Variants in TBC1D5 observed in about 807,000 individuals in gnomAD.
TBC1D5 encodes the protein TBC1 domain family member 5.
In TBC1D5, 75 loss-of-function variants were observed where a neutral mutation model predicts 100.3. The observed-to-expected ratio is 0.75, with a 90% confidence interval of 0.62 to 0.91. The LOEUF (loss-of-function observed/expected upper bound fraction) is 0.91, where lower values mean the gene tolerates loss of function less well. Ranked by LOEUF, TBC1D5 falls within the 40% of genes least tolerant of loss-of-function variation. The pLI is 0.00. For missense variants in TBC1D5, 910 were observed against 942.4 expected, an observed-to-expected ratio of 0.97 and a Z score of 0.45; for synonymous variants, 323 against 325.6, an observed-to-expected ratio of 0.99 and a Z score of 0.09.
At chr3:17,334,379 T>C (rs2087353230) in intron 13 of TBC1D5, among the ~76,000 whole-genome samples, 1 of 152,186 alleles carries the variant, frequency 6.6e-6, no homozygotes, top group African/African-American at 2.4e-5. Context: ...CTAAGGTAAC[T>C]ACATTAAATG....
exon 1 of TBC1D5, chr3:17,740,524 A>G (rs1412912445): frequency 2.0e-5 from 3 of 152,210 alleles, no homozygotes; most frequent in Non-Finnish European, 4.4e-5. Context: ...ATAAATAAAA[A>G]GAAAAAAATT....
At chr3:17,556,842 T>C (rs1358775235) in intron 2 of TBC1D5, among the ~76,000 whole-genome samples, 1 of 152,184 alleles carries the variant, frequency 6.6e-6, no homozygotes, top group African/African-American at 2.4e-5. Flanking sequence ...AAGTGAACTA[T>C]ACTCACTGAC....
chr3:17,647,906 A>G (rs1280982503), intron 1 of TBC1D5, among the ~76,000 whole-genome samples: 2 of 152,130 alleles, frequency 1.3e-5, no homozygotes. Context: ...GTGTCTTGAA[A>G]TGGAGTAGAA....
chr3:17,648,229 TAAA>T lies in TBC1D5; in HGVS notation c.-100-24319_-100-24317del, dbSNP rs748589915. 7.7e-3 allele frequency among the ~76,000 whole-genome samples: 1,173 copies of T among 152,060 alleles called. 8 individuals carry two copies. Among genetic ancestry groups the T allele is most frequent in the Admixed American group, 0.015 (230 of 15,240 alleles). ...ACAGCAGATAAAAACAAGCAATGGG[TAAA>T]AGACTCTCTATTCAATAAATGGTGC... On this transcript the variant is annotated intron_variant, in intron 1 of 21. Coordinates refer to ENST00000253692, the Ensembl canonical transcript of TBC1D5.
At chr3:17,315,239 A>G (rs2150760850) in intron 13 of TBC1D5, among the ~76,000 whole-genome samples, 1 of 152,378 alleles carries the variant, frequency 6.6e-6, no homozygotes, top group South Asian at 2.1e-4. Context: ...ATCCATAGCC[A>G]AATTTCTCTT....
chr3:17,357,499 C>T lies in TBC1D5; in HGVS notation c.995+14576G>A, dbSNP rs78371900. Among the ~76,000 whole-genome samples, 107 of 152,190 alleles carry T rather than the reference C, an allele frequency of 7.0e-4. 2 individuals carry two copies. The East Asian group carries it at 0.019, about 27-fold the overall frequency. ...ATACCAACCGGCAGAGGCCTTCCTGCCTAGAGGTGATCGACGTAGAGAAAA... is the reference window on the plus strand; with the variant it reads ...ATACCAACCGGCAGAGGCCTTCCTGTCTAGAGGTGATCGACGTAGAGAAAA... On this transcript the variant is annotated intron_variant, in intron 13 of 21. Transcript: ENST00000253692.
chr3:17,169,647 G>A lies in TBC1D5; in HGVS notation c.1853-1819C>T, dbSNP rs150956248. Among the ~76,000 whole-genome samples, 1,177 of 152,180 alleles carry A rather than the reference G, an allele frequency of 7.7e-3. 12 individuals carry two copies. The highest frequency in any genetic ancestry group is 0.025 in the African/African-American group (1,037 of 41,526). On this transcript the variant is annotated intron_variant, in intron 19 of 21. Coordinates refer to ENST00000253692, the Ensembl canonical transcript of TBC1D5. ...TATAATTAGAGAGCAAATGTTTTTC[G>A]TTTCCTTAAAAGCCTGTAACAATTT...
chr3:17,468,693 C>T (rs986608104), intron 3 of TBC1D5, among the ~76,000 whole-genome samples: 15 of 152,148 alleles, frequency 9.9e-5, no homozygotes, highest in Non-Finnish European at 2.1e-4. Context: ...CCATGATCTG[C>T]AGAATGATGA....
chr3:17,461,370 C>T (rs2095206122), intron 3 of TBC1D5, among the ~76,000 whole-genome samples: 1 of 152,140 alleles, frequency 6.6e-6, no homozygotes. Flanking sequence ...TCTCTCAAAT[C>T]CAAGACTGAG....
In TBC1D5 at chr3:17,488,867, T is replaced by C. The variant is rs534574527; in HGVS notation, c.97+19607A>G. Among the ~76,000 whole-genome samples the C allele has an allele frequency of 2.0e-5, 3 of 150,878 alleles. No individual in the cohort carries two copies. In the East Asian group the frequency reaches 5.8e-4, roughly 29 times the overall value. On this transcript the variant is annotated intron_variant, in intron 3 of 21. Coordinates refer to ENST00000253692, the Ensembl canonical transcript of TBC1D5. ...CACCTGAGCTCTGCCTTCCGTCAGA[T>C]CTGATGTGGCATTAGATTCTCATAG...
chr3:17,393,637 T>C (rs1297226017), intron 8 of TBC1D5, among the ~76,000 whole-genome samples: 2 of 151,920 alleles, frequency 1.3e-5, no homozygotes, highest in Non-Finnish European at 1.5e-5. Context: ...TACAGAACGA[T>C]GGAACAGAAC....
intron 1 of TBC1D5, among the ~76,000 whole-genome samples, chr3:17,713,898 A>G (rs1228113280): frequency 6.6e-6 from 1 of 152,244 alleles, no homozygotes; most frequent in Non-Finnish European, 1.5e-5. Context: ...ACATCAAAAA[A>G]TAAGCAGTAA....
chr3:17,709,411 T>C (rs2074495112), intron 1 of TBC1D5, among the ~76,000 whole-genome samples: 1 of 152,120 alleles, frequency 6.6e-6, no homozygotes, highest in Admixed American at 6.5e-5. Context: ...TGCCTTCCCC[T>C]CCCACCCTAA....
intron 3 of TBC1D5, among the ~76,000 whole-genome samples, chr3:17,506,906 C>T (rs1253148024): frequency 6.6e-6 from 1 of 152,132 alleles, no homozygotes; most frequent in Non-Finnish European, 1.5e-5. Context: ...GTCCCAGCTA[C>T]TTGGGAGGCT....
chr3:17,737,148 C>T (rs576798718), intron 1 of TBC1D5, among the ~76,000 whole-genome samples: 1 of 152,182 alleles, frequency 6.6e-6, no homozygotes, highest in Non-Finnish European at 1.5e-5. Context: ...CTTATTCCAA[C>T]TCCATCAGGT....
chr3:17,494,992 G>A (rs902789683), intron 3 of TBC1D5, among the ~76,000 whole-genome samples: 17 of 152,134 alleles, frequency 1.1e-4, no homozygotes, highest in African/African-American at 4.1e-4. Context: ...ATTACTCACT[G>A]CCTCCCCTGG....
chr3:17,571,391 GCTATTAATCTTA>G (rs1261472921), intron 2 of TBC1D5, among the ~76,000 whole-genome samples: 1 of 151,896 alleles, frequency 6.6e-6, no homozygotes, highest in Non-Finnish European at 1.5e-5. Context: ...GTGCAGCTCG[GCTATTAATCTTA>G]AACTAATATA....
At chr3:17,665,636 G>A (rs1221466778) in intron 1 of TBC1D5, among the ~76,000 whole-genome samples, 1 of 152,088 alleles carries the variant, frequency 6.6e-6, no homozygotes, top group African/African-American at 2.4e-5. Flanking sequence ...CTGTTTCAAT[G>A]GTTTTCCTAC....
intron 1 of TBC1D5, among the ~76,000 whole-genome samples, chr3:17,686,232 T>C (rs2070258845): frequency 6.6e-6 from 1 of 152,106 alleles, no homozygotes; most frequent in Non-Finnish European, 1.5e-5. Context: ...ACAATCTAAT[T>C]AGGGTACCAT....
Sources: allele counts gnomAD v4.1 joint callset (sites outside exome capture counted in the v4.1 genomes callset), GRCh38; gene constraint gnomAD v4.1.1; transcripts MANE v1.5; gene names NCBI Gene and HGNC (gene_info 2026-07-23, HGNC 2026-07-21).